BTRC: variants seen among roughly 807,000 people sequenced by gnomAD.
BTRC encodes F-box/WD repeat-containing protein 1A.
Under a neutral mutation model 85.5 loss-of-function variants are expected in BTRC, and 42 were observed. The ratio of observed to expected loss-of-function variants is 0.49; its 90% CI spans 0.38 to 0.64. The LOEUF (loss-of-function observed/expected upper bound fraction) is 0.64, where lower values mean the gene tolerates loss of function less well. Ranked by LOEUF, BTRC falls within the 30% of genes least tolerant of loss-of-function variation. The probability of loss-of-function intolerance (pLI) is 0.00; values close to 1 mark genes in which losing one functional copy is unlikely to be tolerated. For synonymous variants in BTRC, 255 were observed against 263.3 expected (o/e 0.97, Z 0.30); for missense variants, 594 against 743.5 (o/e 0.80, Z 2.34).
chr10:101,476,606 G>T (rs999974691), intron 3 of BTRC, among the ~76,000 whole-genome samples: 1 of 151,596 alleles, frequency 6.6e-6, no homozygotes, highest in African/African-American at 2.4e-5. Context: ...CTACAGGCCT[G>T]TGCTGCCACG....
intron 4 of BTRC, among the ~76,000 whole-genome samples, chr10:101,486,891 C>A (rs1445818803): frequency 2.0e-5 from 3 of 152,182 alleles, no homozygotes. Context: ...CTGTCACTTA[C>A]TGAAGGGTTT....
Position 101,521,104 on chromosome 10 carries a change from C to CA in BTRC, c.325-526dup, listed in dbSNP as rs200187591. Among the ~76,000 whole-genome samples, 59 of 150,976 alleles carry CA rather than the reference C, an allele frequency of 3.9e-4. 1 individual carries two copies. Among genetic ancestry groups the CA allele is most frequent in the East Asian group, 2.7e-3 (14 of 5,150 alleles). Reference sequence around the variant, plus strand: ...GCAACAAAAGAAGACTCCATCTCTACAAAAAAAAATGTTAAAAATTAGCAG... The same window carrying CA: ...GCAACAAAAGAAGACTCCATCTCTACAAAAAAAAAATGTTAAAAATTAGCAG... On this transcript the variant is annotated intron_variant, in intron 4 of 14. Coordinates refer to ENST00000370187, the MANE Select transcript of BTRC (RefSeq NM_033637.4).
intron 2 of BTRC, among the ~76,000 whole-genome samples, chr10:101,459,144 A>C (rs1945156162): frequency 6.6e-6 from 1 of 152,170 alleles, no homozygotes; most frequent in African/African-American, 2.4e-5. Context: ...CCTTATATTA[A>C]TCACTTATCC....
chr10:101,438,714 A>G (rs927652521), intron 2 of BTRC, among the ~76,000 whole-genome samples: 3 of 152,154 alleles, frequency 2.0e-5, no homozygotes, highest in African/African-American at 7.2e-5. Context: ...GAAATTTGTA[A>G]TATAATATTA....
chr10:101,396,958 T>A (rs1943380172), intron 1 of BTRC, among the ~76,000 whole-genome samples: 1 of 151,898 alleles, frequency 6.6e-6, no homozygotes, highest in Non-Finnish European at 1.5e-5. Flanking sequence ...ATCTGCCACC[T>A]CGCCTGGCTA....
chr10:101,544,144 C>T (rs2062520979), intron 13 of BTRC, among the ~76,000 whole-genome samples: 1 of 152,100 alleles, frequency 6.6e-6, no homozygotes, highest in African/African-American at 2.4e-5. Context: ...CTCCTGACCT[C>T]GTGATCCGCC....
chr10:101,472,254 TTTTTC>T (rs1241638124), intron 3 of BTRC, among the ~76,000 whole-genome samples: 2 of 111,674 alleles, frequency 1.8e-5, no homozygotes, highest in Admixed American at 9.5e-5. Flanking sequence ...CCTTCCTTCC[TTTTTC>T]TTTTCTTTTC....
chr10:101,450,154 A>G (rs1944924403), intron 2 of BTRC, among the ~76,000 whole-genome samples: 1 of 151,948 alleles, frequency 6.6e-6, no homozygotes, highest in Non-Finnish European at 1.5e-5. Flanking sequence ...ACTCTTTTAT[A>G]TACTCATAGT....
At chr10:101,468,097 T>C (rs969471471) in intron 3 of BTRC, among the ~76,000 whole-genome samples, 11 of 152,178 alleles carry the variant, frequency 7.2e-5, no homozygotes, top group African/African-American at 2.4e-4. Context: ...AAAGGAGCAA[T>C]TTAATAACCG....
intron 2 of BTRC, among the ~76,000 whole-genome samples, chr10:101,460,668 G>A (rs4919549): frequency 0.33 from 49,966 of 152,074 alleles, 10,750 homozygotes; most frequent in East Asian, 0.66. Context: ...GACACAGTAC[G>A]TTTTTTATCT....
intron 1 of BTRC, among the ~76,000 whole-genome samples, chr10:101,381,962 CTTTTTTTTTTTTTTTTTTTTT>C (rs71016314): frequency 1.6e-4 from 8 of 49,158 alleles, no homozygotes; most frequent in South Asian, 2.2e-3. Flanking sequence ...CTAAGAATGT[CTTTTTTTTTTTTTTTTTTTTT>C]TTTTTTTTTT....
chr10:101,438,991 G>A (rs1342422211), intron 2 of BTRC, among the ~76,000 whole-genome samples: 2 of 152,180 alleles, frequency 1.3e-5, no homozygotes, highest in Admixed American at 6.5e-5. Context: ...ATAGAAGCCA[G>A]AGCATGTGGC....
rs539258832 is a variant in BTRC, at chr10:101,396,966, CTAATT to C, written c.49-33377_49-33373del. Reference sequence around the variant, plus strand: ...TACAGGCATCTGCCACCTCGCCTGGCTAATTTTTGGTATTTTTAGTAGAGACGAGG... The same window carrying C: ...TACAGGCATCTGCCACCTCGCCTGGCTTTGGTATTTTTAGTAGAGACGAGG... On this transcript the variant is annotated intron_variant, in intron 1 of 14. Coordinates refer to ENST00000370187, the MANE Select transcript of BTRC (RefSeq NM_033637.4). 7.2e-5 allele frequency among the ~76,000 whole-genome samples: 11 copies of C among 152,106 alleles called. No homozygotes were observed. In the South Asian group the frequency reaches 2.3e-3, roughly 32 times the overall value.
intron 3 of BTRC, among the ~76,000 whole-genome samples, chr10:101,464,295 A>C (rs1046268418): frequency 1.3e-5 from 2 of 152,186 alleles, no homozygotes; most frequent in Non-Finnish European, 2.9e-5. Flanking sequence ...TCATACTTCA[A>C]ACTGAAGCAA....
At chr10:101,509,582 T>C (rs1946643889) in intron 4 of BTRC, among the ~76,000 whole-genome samples, 1 of 147,080 alleles carries the variant, frequency 6.8e-6, no homozygotes. Flanking sequence ...AGACAAGGTC[T>C]CTCTCTGTTG....
chr10:101,407,413 A>T (rs141572799), intron 1 of BTRC, among the ~76,000 whole-genome samples: 1 of 152,210 alleles, frequency 6.6e-6, no homozygotes, highest in African/African-American at 2.4e-5. Flanking sequence ...GTAATTTTTT[A>T]TTTTTGTTTT....
intron 2 of BTRC, among the ~76,000 whole-genome samples, chr10:101,438,422 C>CAAAA (rs34955428): frequency 0.013 from 748 of 57,770 alleles, 160 homozygotes; most frequent in Non-Finnish European, 0.018. Context: ...GAGACTGCCT[C>CAAAA]AAAAAAAAAA....
intron 1 of BTRC, among the ~76,000 whole-genome samples, chr10:101,374,245 G>A (rs1252334190): frequency 6.6e-6 from 1 of 151,964 alleles, no homozygotes; most frequent in Admixed American, 6.6e-5. Context: ...ACTTTTTAAT[G>A]ATTGCCATTC....
At chr10:101,436,930 CTT>C (rs949378592) in intron 2 of BTRC, among the ~76,000 whole-genome samples, 6 of 152,146 alleles carry the variant, frequency 3.9e-5, no homozygotes, top group South Asian at 2.1e-4. Flanking sequence ...ATATGGAAAA[CTT>C]AATTTTACAT....
Sources: gnomAD v4.1 joint callset for allele counts (sites outside exome capture counted in the v4.1 genomes callset) on GRCh38, gnomAD v4.1.1 for gene constraint, MANE v1.5 for transcripts, NCBI Gene and HGNC (gene_info 2026-07-23, HGNC 2026-07-21) for gene names.